The following MAP2K5 variants were observed in gnomAD, a reference collection of about 807,000 sequenced individuals.
MAP2K5 encodes the protein mitogen-activated protein kinase kinase 5.
MAP2K5 carries 49 observed loss-of-function variants against 83.1 expected under a neutral mutation model. That is an observed-to-expected ratio of 0.59 (90% CI 0.47 to 0.75). The LOEUF (loss-of-function observed/expected upper bound fraction) is 0.75, where lower values mean the gene tolerates loss of function less well. Among genes scored for constraint, MAP2K5 ranks in the 30% least tolerant of loss-of-function variants. The probability of loss-of-function intolerance (pLI) is 0.00; values close to 1 mark genes in which losing one functional copy is unlikely to be tolerated. For synonymous variants in MAP2K5, 202 were observed against 191.8 expected, an observed-to-expected ratio of 1.05 and a Z score of -0.44; for missense variants, 457 against 557.5, an observed-to-expected ratio of 0.82 and a Z score of 1.82.
intron 8 of MAP2K5, among the ~76,000 whole-genome samples, chr15:67,605,030 C>G (rs900756834): frequency 6.6e-6 from 1 of 151,592 alleles, no homozygotes; most frequent in Non-Finnish European, 1.5e-5. Context: ...TTTGTACTTC[C>G]TACCTTGACT....
intron 13 of MAP2K5, among the ~76,000 whole-genome samples, chr15:67,675,976 C>T (rs1224402718): frequency 1.3e-5 from 2 of 152,160 alleles, no homozygotes; most frequent in Non-Finnish European, 2.9e-5. Flanking sequence ...ATAGTTATTT[C>T]CCCAGTCCCC....
intron 3 of MAP2K5, among the ~76,000 whole-genome samples, chr15:67,574,088 C>T (rs1293119157): frequency 6.6e-6 from 1 of 152,172 alleles, no homozygotes; most frequent in Non-Finnish European, 1.5e-5. Flanking sequence ...GGCACGACAT[C>T]CAAGAACCAT....
At position 67,668,597 on chromosome 15, in the gene MAP2K5, C is replaced by G. The variant is rs190917182; in HGVS notation, c.847+3952C>G. Reference sequence around the variant, plus strand: ...AGAGCCCTGCATATTAATAAACCTACAGCTCCAGTCATAGCCATCATTACC... The same window carrying G: ...AGAGCCCTGCATATTAATAAACCTAGAGCTCCAGTCATAGCCATCATTACC... On this transcript the variant is annotated intron_variant, in intron 13 of 21. Coordinates refer to ENST00000178640, the MANE Select transcript of MAP2K5 (RefSeq NM_145160.3). This position sits in a 1 kb window ranked among gnomAD's most constrained non-coding sequence, Gnocchi z 4.0. Among the ~76,000 whole-genome samples the G allele has an allele frequency of 3.7e-4, 56 of 152,246 alleles. No homozygotes were observed. The highest frequency in any genetic ancestry group is 1.3e-3 in the African/African-American group (52 of 41,560).
intron 13 of MAP2K5, among the ~76,000 whole-genome samples, chr15:67,687,209 A>G (rs2087979620): frequency 6.6e-6 from 1 of 152,222 alleles, no homozygotes; most frequent in South Asian, 2.1e-4. Context: ...AGGGAAATGC[A>G]GTAAGTTATG....
At chr15:67,728,869 C>T (rs1303464137) in intron 17 of MAP2K5, among the ~76,000 whole-genome samples, 1 of 152,186 alleles carries the variant, frequency 6.6e-6, no homozygotes, top group Non-Finnish European at 1.5e-5. Context: ...TTCTCTCTAC[C>T]ATCTTTATAA....
chr15:67,637,783 C>T lies in MAP2K5; in HGVS notation c.585+6856C>T, dbSNP rs1167710422. On this transcript the variant is annotated intron_variant, in intron 9 of 21. Coordinates refer to ENST00000178640, the MANE Select transcript of MAP2K5 (RefSeq NM_145160.3). The surrounding 1 kb of genome is among the most constrained non-coding windows in gnomAD (Gnocchi z 4.5). ...CTTATCTCTGCCTGGTTTCCCCTCC[C>T]TGCACTGAGGCCTGGGAACTCTCTG... 1.3e-5 allele frequency among the ~76,000 whole-genome samples: 2 copies of T among 152,062 alleles called. No homozygotes were observed. Among genetic ancestry groups the T allele is most frequent in the Non-Finnish European group, 2.9e-5 (2 of 68,014 alleles).
At position 67,708,914 on chromosome 15, in the gene MAP2K5, T is replaced by A. The variant is rs1566937047; in HGVS notation, c.1044+5506T>A. On this transcript the variant is annotated intron_variant, in intron 16 of 21. Transcript: ENST00000178640. This position sits in a 1 kb window ranked among gnomAD's most constrained non-coding sequence, Gnocchi z 4.9. ...GCTTCTCTCTCCTTTCAGTACAGTA[T>A]CCCTCTGTTGGTGGGGTAAAGGACA... 6.6e-6 allele frequency among the ~76,000 whole-genome samples: 1 copy of A among 152,206 alleles called. No individual in the cohort carries two copies. The highest frequency in any genetic ancestry group is 1.5e-5 in the Non-Finnish European group (1 of 68,036).
At chr15:67,647,288 T>A (rs1423522592) in intron 11 of MAP2K5, among the ~76,000 whole-genome samples, 2 of 152,172 alleles carry the variant, frequency 1.3e-5, no homozygotes, top group Admixed American at 1.3e-4. Flanking sequence ...TCTAAATTAG[T>A]TATAGTAGAA....
chr15:67,633,820 T>C (rs2086529821), intron 9 of MAP2K5, among the ~76,000 whole-genome samples: 1 of 152,230 alleles, frequency 6.6e-6, no homozygotes, highest in Admixed American at 6.5e-5. Context: ...AAAAACCATG[T>C]AACTTGTATA....
At chr15:67,800,109 A>G (rs1395241871) in intron 21 of MAP2K5, among the ~76,000 whole-genome samples, 1 of 152,318 alleles carries the variant, frequency 6.6e-6, no homozygotes, top group Non-Finnish European at 1.5e-5. Context: ...CATGTAATTA[A>G]TATTATCAGG....
At chr15:67,662,220 T>C (rs941019756) in intron 12 of MAP2K5, among the ~76,000 whole-genome samples, 1 of 152,186 alleles carries the variant, frequency 6.6e-6, no homozygotes, top group Non-Finnish European at 1.5e-5. Context: ...TTAATTGATA[T>C]AGATTTTGTC....
At chr15:67,609,951 C>G (rs539841127) in intron 8 of MAP2K5, among the ~76,000 whole-genome samples, 1 of 151,966 alleles carries the variant, frequency 6.6e-6, no homozygotes, top group Non-Finnish European at 1.5e-5. Context: ...AGGGCTTGAT[C>G]ATGCTGGGTC....
At chr15:67,799,074 C>A (rs1311530763) in intron 21 of MAP2K5, among the ~76,000 whole-genome samples, 3 of 152,228 alleles carry the variant, frequency 2.0e-5, no homozygotes, top group African/African-American at 7.2e-5. Flanking sequence ...GAGGCTGAGG[C>A]AGGAGAATTG....
chr15:67,734,149 T>C (rs2089287531), intron 17 of MAP2K5, among the ~76,000 whole-genome samples: 1 of 152,138 alleles, frequency 6.6e-6, no homozygotes, highest in Admixed American at 6.5e-5. Flanking sequence ...TAAAACCGAT[T>C]AATTTATTTG....
At chr15:67,609,492 T>A (rs1451021921) in intron 8 of MAP2K5, among the ~76,000 whole-genome samples, 1 of 147,362 alleles carries the variant, frequency 6.8e-6, no homozygotes, top group African/African-American at 2.6e-5. Context: ...ATTCTATAGG[T>A]CTATAGATTC....
intron 7 of MAP2K5, among the ~76,000 whole-genome samples, chr15:67,597,410 T>C (rs886314724): frequency 6.6e-5 from 10 of 152,334 alleles, no homozygotes; most frequent in African/African-American, 2.4e-4. Context: ...GGAGACAAAC[T>C]GCTGAGCTAT....
intron 21 of MAP2K5, 103 bp from the exon 22 acceptor site, chr15:67,806,543 C>A: frequency 3.0e-6 from 3 of 1,002,542 alleles, no homozygotes; most frequent in Non-Finnish European, 4.3e-6. Flanking sequence ...CACAGGGTTA[C>A]TGGGGAAAGA....
chr15:67,646,869 G>A (rs796940584), intron 11 of MAP2K5, among the ~76,000 whole-genome samples: 7 of 152,210 alleles, frequency 4.6e-5, no homozygotes, highest in African/African-American at 1.2e-4. Context: ...GAAAGAAATC[G>A]GTTCTTAATT....
Position 67,677,727 on chromosome 15 carries a change from A to T in MAP2K5, c.847+13082A>T, listed in dbSNP as rs1025927621. On this transcript the variant is annotated intron_variant, in intron 13 of 21. Transcript: ENST00000178640. The surrounding 1 kb of genome is among the most constrained non-coding windows in gnomAD (Gnocchi z 4.2). ...AGAATATGTACACATCACAGGTAGG[A>T]ATCTAAGATTCACCACTTTAGAAGG... 2.0e-5 allele frequency among the ~76,000 whole-genome samples: 3 copies of T among 152,216 alleles called. No homozygotes were observed. Among genetic ancestry groups the T allele is most frequent in the African/African-American group, 7.2e-5 (3 of 41,460 alleles).
Sources: allele counts gnomAD v4.1 joint callset (sites outside exome capture counted in the v4.1 genomes callset), GRCh38; gene constraint gnomAD v4.1.1; non-coding constraint Gnocchi (gnomAD v3.1); transcripts MANE v1.5; gene names NCBI Gene and HGNC (gene_info 2026-07-23, HGNC 2026-07-21).